RSU1: variants seen among roughly 807,000 people sequenced by gnomAD.
RSU1 encodes rsu-1.
In RSU1, 26 loss-of-function variants were observed where a neutral mutation model predicts 31.1. The observed-to-expected ratio is 0.84, with a 90% CI of 0.61 to 1.16. The LOEUF is 1.16. RSU1 is among the 50% of genes most tolerant of loss of function. RSU1 has a pLI of 0.00. For synonymous variants in RSU1, 164 were observed against 136.3 expected (o/e 1.20, Z -1.41); for missense variants, 320 against 339.1 (o/e 0.94, Z 0.44).
chr10:16,781,193 C>T (rs1588530946), intron 3 of RSU1, among the ~76,000 whole-genome samples: 8 of 152,212 alleles, frequency 5.3e-5, no homozygotes, highest in South Asian at 2.1e-4. Context: ...AGAACTGAGT[C>T]ATTAGGAATG....
At position 16,778,936 on chromosome 10, in the gene RSU1, A is replaced by C. The variant is rs559178415; in HGVS notation, c.160+3098T>G. ...GTGCTCAAAGAAAGCATTATTTCCG[A>C]AAGGATCTTCAATCTGAAACTCTTC... On this transcript the variant is annotated intron_variant, in intron 3 of 8. Coordinates refer to ENST00000345264, the MANE Select transcript of RSU1 (RefSeq NM_012425.4). Among the ~76,000 whole-genome samples the C allele has an allele frequency of 2.6e-5, 4 of 152,302 alleles. No individual in the cohort carries two copies. In the South Asian group the frequency reaches 8.3e-4, roughly 32 times the overall value.
At chr10:16,782,174 G>C (rs1035549722) in intron 2 of RSU1, 90 bp from the exon 3 acceptor site, 1 of 1,018,254 alleles carries the variant, frequency 9.8e-7, no homozygotes. Context: ...AAACGGCAAA[G>C]TTATTTTCAC....
At chr10:16,600,929 AGGGTCTCATATCCC>A (rs1833706216) in intron 8 of RSU1, among the ~76,000 whole-genome samples, 1 of 152,134 alleles carries the variant, frequency 6.6e-6, no homozygotes, top group South Asian at 2.1e-4. Flanking sequence ...GTCAGATCCA[AGGGTCTCATATCCC>A]TTTGCTGCAG....
At chr10:16,816,142 G>A (rs183390243) in intron 2 of RSU1, among the ~76,000 whole-genome samples, 16 of 152,316 alleles carry the variant, frequency 1.1e-4, no homozygotes, top group Admixed American at 1.0e-3. Flanking sequence ...AGAATTAGTA[G>A]CCAACATCTA....
intron 8 of RSU1, among the ~76,000 whole-genome samples, chr10:16,683,314 C>G (rs28671774): frequency 0.35 from 53,213 of 151,852 alleles, 9,891 homozygotes; most frequent in African/African-American, 0.47. Flanking sequence ...AATTCATAAA[C>G]AACTCAATGC....
At chr10:16,675,020 G>A (rs1412317484) in intron 8 of RSU1, among the ~76,000 whole-genome samples, 1 of 151,830 alleles carries the variant, frequency 6.6e-6, no homozygotes, top group African/African-American at 2.4e-5. Flanking sequence ...GCGACAGAGT[G>A]AGACCCTGTA....
intron 7 of RSU1, among the ~76,000 whole-genome samples, chr10:16,750,089 T>C (rs566097285): frequency 3.3e-5 from 5 of 152,330 alleles, no homozygotes; most frequent in East Asian, 3.9e-4. Context: ...ATAGGTGATA[T>C]TGCAGGAAAA....
chr10:16,787,298 C>A lies in RSU1; in HGVS notation c.110-5214G>T, dbSNP rs372565166. On this transcript the variant is annotated intron_variant, in intron 2 of 8. Coordinates refer to ENST00000345264, the MANE Select transcript of RSU1 (RefSeq NM_012425.4). ...CCTTTCAATTATCCAACACGTGTTC[C>A]ACTATGTAGAGCAACCAATCTCCCC... Among the ~76,000 whole-genome samples, 43 of 152,192 alleles carry A rather than the reference C, an allele frequency of 2.8e-4. No homozygotes were observed. The East Asian group carries it at 5.4e-3, about 19-fold the overall frequency.
intron 8 of RSU1, among the ~76,000 whole-genome samples, chr10:16,685,785 C>T (rs12784124): frequency 0.14 from 20,572 of 152,194 alleles, 1,767 homozygotes; most frequent in Middle Eastern, 0.2. Context: ...AGGTCTCAGC[C>T]TCATTTTACT....
At chr10:16,697,660 T>TC (rs1835705774) in intron 7 of RSU1, among the ~76,000 whole-genome samples, 1 of 145,552 alleles carries the variant, frequency 6.9e-6, no homozygotes, top group African/African-American at 2.6e-5. Context: ...CAAGACTGTC[T>TC]TAAAAAAAAA....
At chr10:16,798,024 G>C (rs552929610) in intron 2 of RSU1, among the ~76,000 whole-genome samples, 3 of 152,046 alleles carry the variant, frequency 2.0e-5, no homozygotes, top group Admixed American at 6.6e-5. Flanking sequence ...ACCACGCCCG[G>C]CTAATTCTTG....
chr10:16,694,006 A>G (rs1167747862), intron 8 of RSU1, among the ~76,000 whole-genome samples: 1 of 152,136 alleles, frequency 6.6e-6, no homozygotes, highest in Non-Finnish European at 1.5e-5. Context: ...GGGTCAGGCA[A>G]GTATTTGATA....
intron 8 of RSU1, among the ~76,000 whole-genome samples, chr10:16,637,740 G>C (rs990485121): frequency 2.6e-5 from 4 of 151,718 alleles, no homozygotes; most frequent in Non-Finnish European, 4.4e-5. Context: ...GCGTAAACAT[G>C]ACTAGTAAAG....
Position 16,695,167 on chromosome 10 carries a change from G to GGGGC in RSU1, c.599-13_599-12insGCCC. 2 of 1,318,152 alleles carry GGGGC rather than the reference G, an allele frequency of 1.5e-6. No individual in the cohort carries two copies. The highest frequency in any genetic ancestry group is 2.1e-6 in the Non-Finnish European group (2 of 970,978). The allele number at this position is 1,318,152 out of a possible 1,614,324, so 81.7% of individuals were successfully genotyped here. A position where few individuals can be genotyped will look rare whatever the true frequency, so the allele number is the denominator to read the frequency against. ...TAAATCCAAGTTTCCTGGGGGGGGG[G>GGGGC]AAAAAAAAAGTGAAGGTCACTTCAT... On this transcript the variant is annotated splice_polypyrimidine_tract_variant and intron_variant, in intron 7 of 8. Transcript: ENST00000345264.
intron 3 of RSU1, among the ~76,000 whole-genome samples, chr10:16,768,183 C>A (rs1837352554): frequency 6.6e-6 from 1 of 152,196 alleles, no homozygotes; most frequent in South Asian, 2.1e-4. Context: ...TGGTCCCTGA[C>A]CCTACAGTGC....
chr10:16,622,695 G>A (rs527274911), intron 8 of RSU1, among the ~76,000 whole-genome samples: 28 of 152,286 alleles, frequency 1.8e-4, no homozygotes, highest in African/African-American at 6.7e-4. Flanking sequence ...AATCTACAAA[G>A]GATAAGCCTT....
intron 7 of RSU1, among the ~76,000 whole-genome samples, chr10:16,739,429 T>C (rs372684811): frequency 1.3e-5 from 2 of 151,822 alleles, no homozygotes; most frequent in Admixed American, 6.6e-5. Flanking sequence ...TGGTATCTCA[T>C]TGTGGTTTTG....
At chr10:16,715,523 C>G (rs1175620759) in intron 7 of RSU1, among the ~76,000 whole-genome samples, 1 of 152,092 alleles carries the variant, frequency 6.6e-6, no homozygotes, top group African/African-American at 2.4e-5. Flanking sequence ...TTTGCATATG[C>G]CTATGTAGTT....
At chr10:16,689,974 T>C (rs576418910) in intron 8 of RSU1, among the ~76,000 whole-genome samples, 2 of 152,314 alleles carry the variant, frequency 1.3e-5, no homozygotes, top group Non-Finnish European at 2.9e-5. Context: ...AGCCTAACAT[T>C]TGTCAAACCT....
Sources: allele counts gnomAD v4.1 joint callset (sites outside exome capture counted in the v4.1 genomes callset), GRCh38; gene constraint gnomAD v4.1.1; transcripts MANE v1.5; gene names NCBI Gene and HGNC (gene_info 2026-07-23, HGNC 2026-07-21).